SLC8A3: variants seen among roughly 807,000 people sequenced by gnomAD.
SLC8A3 encodes the protein solute carrier family 8 member A3, also known as sodium/calcium exchanger 3.
SLC8A3 carries 37 observed loss-of-function variants against 65.4 expected under a neutral mutation model. The ratio of observed to expected loss-of-function variants is 0.57; its 90% CI spans 0.44 to 0.74. SLC8A3 has a LOEUF of 0.74. Among genes scored for constraint, SLC8A3 ranks in the 30% least tolerant of loss-of-function variants. The probability of loss-of-function intolerance (pLI) is 0.00; values close to 1 mark genes in which losing one functional copy is unlikely to be tolerated. For missense variants in SLC8A3, 1,112 were observed against 1,172.1 expected, an observed-to-expected ratio of 0.95 and a Z score of 0.75; for synonymous variants, 461 against 444.5, an observed-to-expected ratio of 1.04 and a Z score of -0.47.
At chr14:70,141,350 C>G (rs1423695702) in intron 2 of SLC8A3, among the ~76,000 whole-genome samples, 2 of 152,168 alleles carry the variant, frequency 1.3e-5, no homozygotes, top group African/African-American at 4.8e-5. Flanking sequence ...GAAAAGGAAG[C>G]AAAGAGACAT....
chr14:70,086,540 T>C (rs1891460350), intron 2 of SLC8A3, among the ~76,000 whole-genome samples: 1 of 151,926 alleles, frequency 6.6e-6, no homozygotes. Flanking sequence ...TAGCTGGGAT[T>C]ACAGGAGCCC....
At chr14:70,077,396 A>G (rs908352042) in intron 2 of SLC8A3, among the ~76,000 whole-genome samples, 3 of 152,186 alleles carry the variant, frequency 2.0e-5, no homozygotes, top group African/African-American at 7.2e-5. Flanking sequence ...TCAGGGTAAC[A>G]TTCCCTGTTA....
chr14:70,125,853 A>G lies in SLC8A3; in HGVS notation c.1784+40786T>C, dbSNP rs963499005. ...AGTCTGAGATGGATCCAACACTAGC[A>G]GTTTTTTAAAGCTCCCAAGGTTGAG... On this transcript the variant is annotated intron_variant, in intron 2 of 6. Coordinates refer to ENST00000356921, the MANE Select transcript of SLC8A3 (RefSeq NM_182932.3). Among the ~76,000 whole-genome samples, 5 of 152,178 alleles carry G rather than the reference A, an allele frequency of 3.3e-5. 1 individual carries two copies.
Position 70,152,754 on chromosome 14 carries a change from G to C in SLC8A3, c.1784+13885C>G, listed in dbSNP as rs77273272. Among the ~76,000 whole-genome samples the C allele has an allele frequency of 1.1e-4, 16 of 152,344 alleles. No homozygotes were observed. The East Asian group carries it at 3.1e-3, about 29-fold the overall frequency. The stretch of plus-strand genomic sequence containing the variant: ...ACTCATTTCAGAGGCATTCGGAAAA[G>C]TGCTGTGCAGAACTGCGTCCAATCT... On this transcript the variant is annotated intron_variant, in intron 2 of 6. Transcript: ENST00000356921.
intron 2 of SLC8A3, among the ~76,000 whole-genome samples, chr14:70,163,599 G>A (rs1897006020): frequency 6.6e-6 from 1 of 152,200 alleles, no homozygotes; most frequent in African/African-American, 2.4e-5. Context: ...CCAGACTGGT[G>A]TGGCAATTAG....
chr14:70,091,136 A>G (rs991734855), intron 2 of SLC8A3, among the ~76,000 whole-genome samples: 2 of 152,202 alleles, frequency 1.3e-5, no homozygotes, highest in Non-Finnish European at 2.9e-5. Context: ...CAGGAGATGC[A>G]CGGCTTGTAT....
rs1385909771 is a variant in SLC8A3, at chr14:70,126,570, T to TCTCTCACA, written c.1784+40068_1784+40069insTGTGAGAG. ...AATTCTCTCTCTCTCTCTCTCTCTC[T>TCTCTCACA]CACACACACACACACACACACACAC... is the stretch of plus-strand genomic sequence containing the variant. On this transcript the variant is annotated intron_variant, in intron 2 of 6. Coordinates refer to ENST00000356921, the MANE Select transcript of SLC8A3 (RefSeq NM_182932.3). Among the ~76,000 whole-genome samples the TCTCTCACA allele has an allele frequency of 9.5e-4, 111 of 117,108 alleles. 1 individual carries two copies. The highest frequency in any genetic ancestry group is 1.4e-3 in the Non-Finnish European group (80 of 56,214). 76.8% of individuals were successfully genotyped at this position (117,108 alleles called of 152,430 possible).
intron 1 of SLC8A3, among the ~76,000 whole-genome samples, chr14:70,174,684 T>TGCC (rs1897786798): frequency 7.8e-6 from 1 of 128,668 alleles, no homozygotes; most frequent in Non-Finnish European, 1.7e-5. Context: ...TTTTTTTTTT[T>TGCC]TTTTTTGCCT....
intron 2 of SLC8A3, among the ~76,000 whole-genome samples, chr14:70,147,773 C>T (rs1340809040): frequency 2.0e-5 from 3 of 152,154 alleles, no homozygotes; most frequent in Non-Finnish European, 4.4e-5. Flanking sequence ...GACAGCAGCC[C>T]CAGCTAACAC....
At chr14:70,050,384 C>A (rs1016405786) in intron 5 of SLC8A3, among the ~76,000 whole-genome samples, 1 of 152,102 alleles carries the variant, frequency 6.6e-6, no homozygotes, top group South Asian at 2.1e-4. Flanking sequence ...GGCCAGGAGG[C>A]CTCAGTGGTG....
chr14:70,183,377 C>T (rs954133945), intron 1 of SLC8A3, among the ~76,000 whole-genome samples: 1 of 152,194 alleles, frequency 6.6e-6, no homozygotes, highest in Non-Finnish European at 1.5e-5. Context: ...ACATGTGAGT[C>T]TCCTGTCTAG....
At chr14:70,162,478 T>C (rs920173022) in intron 2 of SLC8A3, among the ~76,000 whole-genome samples, 1 of 152,226 alleles carries the variant, frequency 6.6e-6, no homozygotes, top group African/African-American at 2.4e-5. Flanking sequence ...ACATGCTTTT[T>C]TTCTTTGAAG....
chr14:70,134,005 C>T (rs1469649445), intron 2 of SLC8A3, among the ~76,000 whole-genome samples: 2 of 152,204 alleles, frequency 1.3e-5, no homozygotes, highest in Admixed American at 6.5e-5. Context: ...GAACTTGCTA[C>T]CTTCTAACTC....
chr14:70,063,962 G>C, intron 2 of SLC8A3: 1 of 1,230,812 alleles, frequency 8.1e-7, no homozygotes, highest in Middle Eastern at 2.2e-4. Context: ...CATAAGCAAG[G>C]AGTAGAGTGT....
chr14:70,144,602 C>T (rs1895802532), intron 2 of SLC8A3, among the ~76,000 whole-genome samples: 1 of 149,802 alleles, frequency 6.7e-6, no homozygotes, highest in Non-Finnish European at 1.5e-5. Context: ...GCACTTCCAG[C>T]CTGGGCAACA....
chr14:70,053,819 T>A (rs1283574258), intron 3 of SLC8A3, among the ~76,000 whole-genome samples: 1 of 152,250 alleles, frequency 6.6e-6, no homozygotes, highest in African/African-American at 2.4e-5. Context: ...ATATATTTGT[T>A]AATTGATTGA....
chr14:70,091,622 G>A (rs1445437503), intron 2 of SLC8A3, among the ~76,000 whole-genome samples: 2 of 152,092 alleles, frequency 1.3e-5, no homozygotes, highest in Non-Finnish European at 2.9e-5. Context: ...CCCCTCCCTT[G>A]AATCCTAACA....
At chr14:70,150,598 C>T (rs1896206554) in intron 2 of SLC8A3, among the ~76,000 whole-genome samples, 1 of 152,154 alleles carries the variant, frequency 6.6e-6, no homozygotes, top group Non-Finnish European at 1.5e-5. Context: ...CGCTGCTCTC[C>T]TCTTGTCACA....
At chr14:70,087,666 CA>C (rs1255720895) in intron 2 of SLC8A3, among the ~76,000 whole-genome samples, 1 of 152,144 alleles carries the variant, frequency 6.6e-6, no homozygotes, top group African/African-American at 2.4e-5. Flanking sequence ...TTAGGTAAAT[CA>C]AACAAATTGG....
Sources: gnomAD v4.1 joint callset for allele counts (sites outside exome capture counted in the v4.1 genomes callset) on GRCh38, gnomAD v4.1.1 for gene constraint, MANE v1.5 for transcripts, NCBI Gene and HGNC (gene_info 2026-07-23, HGNC 2026-07-21) for gene names.